The following KTN1 variants were observed in gnomAD, a reference collection of about 807,000 sequenced individuals.
KTN1 encodes the protein kinectin 1, also known as kinectin.
A neutral mutation model predicts 222.5 loss-of-function variants in KTN1; 130 were observed. That is an observed-to-expected ratio of 0.58 (90% confidence interval 0.51 to 0.68). The LOEUF (loss-of-function observed/expected upper bound fraction) is 0.68. Among genes scored for constraint, KTN1 ranks in the 30% least tolerant of loss-of-function variants. The pLI, the probability that KTN1 is intolerant of heterozygous loss-of-function variation, is 0.00. For missense variants in KTN1, 1,508 were observed against 1,500.4 expected, an observed-to-expected ratio of 1.01 and a Z score of -0.08; for synonymous variants, 512 against 496.3, an observed-to-expected ratio of 1.03 and a Z score of -0.42.
At position 55,673,201 on chromosome 14, in the gene KTN1, A is replaced by G. The variant is rs143725248; in HGVS notation, c.3717A>G (p.Lys1239=). The change falls in exon 40 of 44, where the codon AAA becomes AAG. Residue 1239 remains lysine (K), a synonymous_variant. Coordinates refer to ENST00000395314, the MANE Select transcript of KTN1 (RefSeq NM_001079521.2). ...ELKDLLTELQ[K]KLDDSYSEAV... ...AAGATCTGTTGACTGAATTGCAGAA[A>G]AAACTTGATGATTCATATTCTGAAG... The G allele has an allele frequency of 1.0e-4, 161 of 1,613,172 alleles. 1 individual carries two copies. The highest frequency in any genetic ancestry group is 3.7e-5 in the Non-Finnish European group (44 of 1,179,504).
chr14:55,661,442 G>GCAA, intron 31 of KTN1, 80 bp from the exon 32 acceptor site: 1 of 736,016 alleles, frequency 1.4e-6, no homozygotes, highest in East Asian at 2.5e-5. Flanking sequence ...TTTTGTAATA[G>GCAA]CAAATGTTGA....
intron 1 of KTN1, among the ~76,000 whole-genome samples, chr14:55,608,994 G>A (rs1285776946): frequency 6.6e-6 from 1 of 151,278 alleles, no homozygotes; most frequent in African/African-American, 2.4e-5. Flanking sequence ...AATTGGGATT[G>A]TTGGGTTAAA....
rs536084203 is a variant in KTN1 at position 55,636,513 on chromosome 14, C to A, written c.1526C>A (p.Ala509Glu). Residue 509 changes from alanine to glutamate, a missense_variant, in exon 10 of 44, where the codon GCG becomes GAG. Ala to Glu is a moderately radical substitution (Grantham distance 107, BLOSUM62 -1). Coordinates refer to ENST00000395314, the MANE Select transcript of KTN1 (RefSeq NM_001079521.2). ...CAGAGCTACATCAGGAAGAGAACAG[C>A]GGAACATGAGGCAGCACAGCAAGGT... ...EVQSYIRKRT[A>E]EHEAAQQDLQ... 1 of 1,609,646 alleles carries A rather than the reference C, an allele frequency of 6.2e-7. No individual in the cohort carries two copies. The highest frequency in any genetic ancestry group is 1.1e-5 in the South Asian group (1 of 90,200).
intron 24 of KTN1, among the ~76,000 whole-genome samples, chr14:55,651,040 A>G (rs1286381293): frequency 1.3e-5 from 2 of 152,182 alleles, no homozygotes; most frequent in Non-Finnish European, 2.9e-5. Context: ...GATTTCAGAC[A>G]TAGATGTGAT....
intron 40 of KTN1, chr14:55,674,673 C>G (rs902684127): frequency 1.3e-5 from 2 of 152,112 alleles, no homozygotes; most frequent in Non-Finnish European, 2.9e-5. Flanking sequence ...TGCTTAGTGG[C>G]TGACTCAACA....
chr14:55,648,753 T>C, intron 20 of KTN1, 49 bp from the exon 21 acceptor site: 1 of 1,229,928 alleles, frequency 8.1e-7, no homozygotes, highest in Non-Finnish European at 1.2e-6. Context: ...AAGCTAGCTA[T>C]ATTTTTCAGA....
At chr14:55,661,859 T>G in intron 32 of KTN1, 1 of 264,552 alleles carries the variant, frequency 3.8e-6, no homozygotes, top group Non-Finnish European at 7.0e-6. Context: ...TTATTATACC[T>G]TTAGTTATTT....
At chr14:55,584,136 T>G (rs763105120) in intron 1 of KTN1, among the ~76,000 whole-genome samples, 54 of 152,214 alleles carry the variant, frequency 3.5e-4, no homozygotes, top group Admixed American at 1.3e-3. Flanking sequence ...TGACTTTCTC[T>G]ATGCACAGTG....
chr14:55,672,536 T>G (rs2045539886), intron 37 of KTN1, 94 bp from the exon 38 acceptor site: 1 of 724,028 alleles, frequency 1.4e-6, no homozygotes, highest in Non-Finnish European at 2.4e-6. Context: ...TTCAAAACCT[T>G]GGAAGTGTCT....
intron 31 of KTN1, among the ~76,000 whole-genome samples, chr14:55,661,090 A>C (rs904098062): frequency 6.6e-6 from 1 of 152,138 alleles, no homozygotes; most frequent in African/African-American, 2.4e-5. Flanking sequence ...TTAATATTAT[A>C]CTTTTGTTGT....
intron 9 of KTN1, among the ~76,000 whole-genome samples, chr14:55,635,026 G>A (rs1490778076): frequency 6.6e-6 from 1 of 152,108 alleles, no homozygotes. Flanking sequence ...AGATTATGGG[G>A]ATTACAATTC....
chr14:55,651,168 T>G, intron 24 of KTN1: 1 of 402,030 alleles, frequency 2.5e-6, no homozygotes, highest in Non-Finnish European at 5.0e-6. Context: ...CAATATTTAT[T>G]GTCAAAGCAG....
chr14:55,581,182 G>C (rs1044951256), intron 1 of KTN1, among the ~76,000 whole-genome samples: 3 of 152,206 alleles, frequency 2.0e-5, no homozygotes, highest in Non-Finnish European at 4.4e-5. Flanking sequence ...GTCTGGTGTG[G>C]GATGTGCAGC....
At chr14:55,670,453 C>T (rs1297957669) in intron 34 of KTN1, among the ~76,000 whole-genome samples, 7 of 151,982 alleles carry the variant, frequency 4.6e-5, no homozygotes, top group Non-Finnish European at 1.5e-5. Flanking sequence ...CTACATGCAA[C>T]TGCAGAATTC....
In KTN1 at chr14:55,684,131, A is replaced by AT; in HGVS notation, c.*29dup. On this transcript the variant is annotated 3_prime_UTR_variant, in exon 44 of 44. Transcript: ENST00000395314. The stretch of plus-strand genomic sequence containing the variant: ...TAATTGGGAAACTGTTCATTTGAGG[A>AT]TAAAAAAGGCATTGTATTATATTTT... 1 of 1,580,924 alleles carries AT rather than the reference A, an allele frequency of 6.3e-7. No individual in the cohort carries two copies.
rs2045174338 is a variant in KTN1 at position 55,668,949 on chromosome 14, A to G, written c.3267+1619A>G. 2.0e-5 allele frequency: 3 copies of G among 152,082 alleles called. No homozygotes were observed. In the South Asian group the frequency reaches 6.2e-4, roughly 31 times the overall value. The allele number at this position is 152,082 out of a possible 1,614,324, so 9.4% of individuals were successfully genotyped here. ...CTGATCAGTTTAGGAGATCTCTACC[A>G]CTTTTGAGTTGAACTGATGAAATAC... On this transcript the variant is annotated intron_variant, in intron 34 of 43. Transcript: ENST00000395314.
Position 55,648,126 on chromosome 14 carries a change from T to G in KTN1, c.2298+11T>G. ...GAAGAGGAGCTGAATGTAAAGCATT[T>G]TGTAGTTTTGTTTTCCTTGTGATTA... is the stretch of plus-strand genomic sequence containing the variant. On this transcript the variant is annotated intron_variant, in intron 20 of 43. Transcript: ENST00000395314. 1 of 1,415,238 alleles carries G rather than the reference T, an allele frequency of 7.1e-7. No homozygotes were observed. The highest frequency in any genetic ancestry group is 9.7e-7 in the Non-Finnish European group (1 of 1,029,202). The allele number at this position is 1,415,238 out of a possible 1,614,324, so 87.7% of individuals were successfully genotyped here. A position where few individuals can be genotyped will look rare whatever the true frequency, so the allele number is the denominator to read the frequency against.
chr14:55,611,719 G>A (rs998164794), intron 1 of KTN1, among the ~76,000 whole-genome samples: 1 of 152,064 alleles, frequency 6.6e-6, no homozygotes, highest in African/African-American at 2.4e-5. Context: ...TGGATATTTC[G>A]GGAAAAGAAA....
intron 19 of KTN1, 31 bp downstream of exon 19, chr14:55,647,038 A>G (rs532284070): frequency 1.5e-5 from 20 of 1,316,128 alleles, no homozygotes; most frequent in Non-Finnish European, 1.9e-5. Context: ...TTATATTTTG[A>G]TGAGTTACTT....
Sources: gnomAD v4.1 joint callset for allele counts (sites outside exome capture counted in the v4.1 genomes callset) on GRCh38, gnomAD v4.1.1 for gene constraint, MANE v1.5 for transcripts, NCBI Gene and HGNC (gene_info 2026-07-23, HGNC 2026-07-21) for gene names.